The following NSMAF variants were observed in gnomAD, a reference collection of about 807,000 sequenced individuals.
NSMAF encodes protein FAN.
NSMAF carries 90 observed loss-of-function variants against 134.9 expected under a neutral mutation model. The ratio of observed to expected loss-of-function variants is 0.67; its 90% CI spans 0.56 to 0.79. NSMAF has a LOEUF of 0.79. Ranked by LOEUF, NSMAF falls within the 30% of genes least tolerant of loss-of-function variation. The pLI is 0.00. For synonymous variants in NSMAF, 358 were observed against 389.6 expected (o/e 0.92, Z 0.96); for missense variants, 1,010 against 1,119.0 (o/e 0.90, Z 1.39).
chr8:58,653,907 AGG>A (rs1333012821), intron 1 of NSMAF, among the ~76,000 whole-genome samples: 1 of 152,236 alleles, frequency 6.6e-6, no homozygotes, highest in Admixed American at 6.5e-5. Flanking sequence ...ACTTTGGAAG[AGG>A]TTAATTTGAG....
chr8:58,636,880 T>A (rs1807184803), intron 2 of NSMAF, among the ~76,000 whole-genome samples: 1 of 152,214 alleles, frequency 6.6e-6, no homozygotes, highest in Non-Finnish European at 1.5e-5. Context: ...ACTTTACTTA[T>A]CAGCAATTTG....
intron 11 of NSMAF, 82 bp from the exon 12 acceptor site, chr8:58,606,117 AC>A (rs1179203128): frequency 4.1e-5 from 48 of 1,169,754 alleles, no homozygotes; most frequent in Non-Finnish European, 5.5e-5. Flanking sequence ...AATTACAAAA[AC>A]ATTCAGTTAA....
At chr8:58,587,567 C>G in intron 27 of NSMAF, 51 bp downstream of exon 27, 1 of 1,510,252 alleles carries the variant, frequency 6.6e-7, no homozygotes, top group Non-Finnish European at 9.2e-7. Flanking sequence ...TCCAGCCGAA[C>G]CCCTAGACTT....
chr8:58,630,533 G>GC (rs1807034585), intron 6 of NSMAF, among the ~76,000 whole-genome samples: 1 of 152,024 alleles, frequency 6.6e-6, no homozygotes, highest in South Asian at 2.1e-4. Flanking sequence ...GTTTCCTACT[G>GC]CCCCCAAAGG....
chr8:58,640,829 A>C (rs987272627), intron 2 of NSMAF, among the ~76,000 whole-genome samples: 1 of 151,736 alleles, frequency 6.6e-6, no homozygotes, highest in Non-Finnish European at 1.5e-5. Flanking sequence ...GGCTTACTAA[A>C]GTGCTGGGAT....
intron 30 of NSMAF, 37 bp from the exon 31 acceptor site, chr8:58,584,237 C>T (rs757496743): frequency 2.1e-6 from 3 of 1,443,618 alleles, no homozygotes; most frequent in Non-Finnish European, 2.9e-6. Context: ...AGGAAGTTGA[C>T]CAGGAGGCAC....
At chr8:58,619,464 T>C (rs1355267948) in intron 9 of NSMAF, among the ~76,000 whole-genome samples, 1 of 152,126 alleles carries the variant, frequency 6.6e-6, no homozygotes, top group Non-Finnish European at 1.5e-5. Flanking sequence ...GGATGAATGA[T>C]TACAGATGCA....
rs183596933 is a variant in NSMAF at position 58,653,382 on chromosome 8, G to C, written c.59+6191C>G. Among the ~76,000 whole-genome samples the C allele has an allele frequency of 2.0e-5, 3 of 152,120 alleles. 1 individual carries two copies. The highest frequency in any genetic ancestry group is 2.0e-4 in the Admixed American group (3 of 15,292). ...TAAACAGACTAAACTAATTCATTAA[G>C]ATAAAAATTATCAAAATGAATCATT... On this transcript the variant is annotated intron_variant, in intron 1 of 30. Transcript: ENST00000038176.
Position 58,590,862 on chromosome 8 carries a change from C to A in NSMAF, c.2019+5G>T. On this transcript the variant is annotated splice_donor_5th_base_variant and intron_variant, in intron 24 of 30. Coordinates refer to ENST00000038176, the MANE Select transcript of NSMAF (RefSeq NM_003580.4). ...TCTATCATAATACTATTAAAATGAA[C>A]TCACCATATTTGAAAATGATATACT... 3 of 1,555,540 alleles carry A rather than the reference C, an allele frequency of 1.9e-6. No individual in the cohort carries two copies. The highest frequency in any genetic ancestry group is 2.6e-6 in the Non-Finnish European group (3 of 1,135,244).
intron 6 of NSMAF, among the ~76,000 whole-genome samples, chr8:58,627,698 T>C (rs1047769149): frequency 6.6e-6 from 1 of 152,128 alleles, no homozygotes; most frequent in African/African-American, 2.4e-5. Context: ...TAAAACACTA[T>C]TGAAAGAAAT....
At chr8:58,588,312 C>G in intron 26 of NSMAF, 1 of 693,680 alleles carries the variant, frequency 1.4e-6, no homozygotes, top group Non-Finnish European at 2.5e-6. Flanking sequence ...TTTAATGATT[C>G]CTCACTTTAA....
rs2129141240 is a variant in NSMAF at position 58,602,083 on chromosome 8, T to C, written c.1100A>G (p.Asn367Ser). ...RDLSKPVGAL[N>S]KERLERLLTR... ...CAGTAGTCTCTCCAGCCGTTCCTTA[T>C]TTAGGGCCCCTACTGGCTTACTGAG... The change falls in exon 14 of 31, where the codon AAT (asparagine) becomes AGT (serine). Residue 367 changes from asparagine to serine, a missense_variant. Coordinates refer to ENST00000038176, the MANE Select transcript of NSMAF (RefSeq NM_003580.4). 1 of 1,613,552 alleles carries C rather than the reference T, an allele frequency of 6.2e-7. No individual in the cohort carries two copies.
At chr8:58,613,897 T>C (rs919010357) in intron 9 of NSMAF, among the ~76,000 whole-genome samples, 1 of 152,212 alleles carries the variant, frequency 6.6e-6, no homozygotes, top group Non-Finnish European at 1.5e-5. Flanking sequence ...ACCATCATGT[T>C]GGCACTCAAA....
rs192211160 is a variant in NSMAF at position 58,588,634 on chromosome 8, A to G, written c.2211+818T>C. The G allele has an allele frequency of 5.7e-4, 865 of 1,506,620 alleles. 7 individuals carry two copies. In the African/African-American group the frequency reaches 0.01, roughly 18 times the overall value. The allele number at this position is 1,506,620 out of a possible 1,614,324, so 93.3% of individuals were successfully genotyped here. The stretch of plus-strand genomic sequence containing the variant: ...GTCCCTGACTGCTGCGGCCTCCACT[A>G]TGTTTCGAATGACGAATTTCTTAAT... On this transcript the variant is annotated intron_variant, in intron 26 of 30. Transcript: ENST00000038176.
chr8:58,609,487 TG>T, intron 10 of NSMAF, 116 bp downstream of exon 10: 2 of 931,886 alleles, frequency 2.1e-6, no homozygotes, highest in South Asian at 1.5e-5. Flanking sequence ...GTGAAGGGGG[TG>T]GGCAGGGACA....
intron 5 of NSMAF, among the ~76,000 whole-genome samples, chr8:58,632,672 A>G (rs911093323): frequency 6.6e-6 from 1 of 152,198 alleles, no homozygotes; most frequent in Non-Finnish European, 1.5e-5. Context: ...ATCCAGCCAC[A>G]GGGCTTTAAA....
At chr8:58,618,962 T>C (rs114855446) in intron 9 of NSMAF, among the ~76,000 whole-genome samples, 61 of 152,244 alleles carry the variant, frequency 4.0e-4, no homozygotes, top group African/African-American at 1.3e-3. Context: ...ACTGGATACA[T>C]TAAAACGTTC....
intron 11 of NSMAF, among the ~76,000 whole-genome samples, chr8:58,606,541 G>A (rs913695909): frequency 6.6e-6 from 1 of 151,988 alleles, no homozygotes; most frequent in Non-Finnish European, 1.5e-5. Flanking sequence ...TCAGCCTCTC[G>A]AGTAGCTAAG....
chr8:58,631,128 G>T (rs1807048054), intron 6 of NSMAF, among the ~76,000 whole-genome samples: 1 of 152,144 alleles, frequency 6.6e-6, no homozygotes, highest in Admixed American at 6.5e-5. Flanking sequence ...ATAAGAGTAT[G>T]TTATAACCAG....
Sources: gnomAD v4.1 joint callset for allele counts (sites outside exome capture counted in the v4.1 genomes callset) on GRCh38, gnomAD v4.1.1 for gene constraint, MANE v1.5 for transcripts, NCBI Gene and HGNC (gene_info 2026-07-23, HGNC 2026-07-21) for gene names.